Variants in ZNF503 observed in about 807,000 individuals in gnomAD.
ZNF503 encodes the protein NocA-like zinc finger 2.
A neutral mutation model predicts 34.4 loss-of-function variants in ZNF503; 15 were observed. The ratio of observed to expected loss-of-function variants is 0.44; its 90% CI spans 0.29 to 0.67. The LOEUF (loss-of-function observed/expected upper bound fraction) is 0.67. Among genes scored for constraint, ZNF503 ranks in the 30% least tolerant of loss-of-function variants. ZNF503 has a pLI of 0.13. For synonymous variants in ZNF503, 580 were observed against 456.8 expected (o/e 1.27, Z -3.44); for missense variants, 1,007 against 926.8 (o/e 1.09, Z -1.12).
the ZNF503 span, among the ~76,000 whole-genome samples, chr10:75,289,171 C>T: frequency 3.3e-5 from 5 of 152,154 alleles, no homozygotes; most frequent in African/African-American, 1.2e-4. Context: ...GGAGCAAAGA[C>T]TGTTTATGTT....
chr10:75,398,742 G>T lies in ZNF503; in HGVS notation c.*7C>A. On this transcript the variant is annotated 3_prime_UTR_variant, in exon 2 of 2. Coordinates refer to ENST00000372524, the MANE Select transcript of ZNF503 (RefSeq NM_032772.6). ...CTCCTCTCCCTCGCTCGCCCTCCCG[G>T]CCGCCCTCACTGATACCCCAGCGCC... 2 of 1,373,310 alleles carry T rather than the reference G, an allele frequency of 1.5e-6. No individual in the cohort carries two copies. Among genetic ancestry groups the T allele is most frequent in the Non-Finnish European group, 1.9e-6 (2 of 1,067,398 alleles). The allele number at this position is 1,373,310 out of a possible 1,614,324, so 85.1% of individuals were successfully genotyped here.
the ZNF503 span, among the ~76,000 whole-genome samples, chr10:75,368,737 C>G: frequency 1.3e-5 from 2 of 152,220 alleles, no homozygotes; most frequent in Non-Finnish European, 2.9e-5. Context: ...AAAGCCAACT[C>G]TCTGGGAAAT....
chr10:75,333,557 C>T, the ZNF503 span, among the ~76,000 whole-genome samples: 3 of 80,222 alleles, frequency 3.7e-5, no homozygotes, highest in Admixed American at 1.1e-4. Context: ...CCCTCACCTC[C>T]CGGACGGGGC....
the ZNF503 span, among the ~76,000 whole-genome samples, chr10:75,387,167 C>T: frequency 5.3e-5 from 8 of 152,230 alleles, no homozygotes; most frequent in Admixed American, 1.3e-4. Flanking sequence ...AGGGCTTCCC[C>T]GGAGAATCCC....
rs1843765196 is a variant in ZNF503, at chr10:75,400,030, C to T, written c.660G>A (p.Gln220=). 1.9e-6 allele frequency: 3 copies of T among 1,601,622 alleles called. No homozygotes were observed. Among genetic ancestry groups the T allele is most frequent in the Non-Finnish European group, 1.7e-6 (2 of 1,177,474 alleles). Residue 220 remains glutamine, a synonymous_variant, in exon 2 of 2, where the codon CAG becomes CAA. Transcript: ENST00000372524. Reference sequence around the variant, plus strand: ...GGCTGCCTGTCCTGGGCGTGAATGGCTGGCAGGTGGCGCTCGGTACCCGGA... The same window carrying T: ...GGCTGCCTGTCCTGGGCGTGAATGGTTGGCAGGTGGCGCTCGGTACCCGGA... ...SGFRVPSATC[Q]PFTPRTGSPS... is the part of the protein sequence containing the mutation.
At chr10:75,363,893 T>C in the ZNF503 span, among the ~76,000 whole-genome samples, 66,163 of 152,052 alleles carry the variant, frequency 0.44, 15,868 homozygotes, top group African/African-American at 0.65. Context: ...AAGAGTTGTG[T>C]ACCATTTCAG....
the ZNF503 span, among the ~76,000 whole-genome samples, chr10:75,304,036 G>C: frequency 1.9e-3 from 294 of 152,228 alleles, 2 homozygotes; most frequent in Non-Finnish European, 3.6e-3. Flanking sequence ...GTTTCACCAT[G>C]TTGGCCAGGC....
the ZNF503 span, among the ~76,000 whole-genome samples, chr10:75,373,129 G>T: frequency 6.6e-6 from 1 of 152,236 alleles, no homozygotes; most frequent in Non-Finnish European, 1.5e-5. Flanking sequence ...GCCATCTTCC[G>T]CGACTGTCAC....
the ZNF503 span, among the ~76,000 whole-genome samples, chr10:75,306,311 T>C: frequency 6.6e-6 from 1 of 152,212 alleles, no homozygotes; most frequent in Admixed American, 6.5e-5. Flanking sequence ...GAGTGTCATT[T>C]CATATACTTA....
the ZNF503 span, among the ~76,000 whole-genome samples, chr10:75,282,769 G>A: frequency 6.6e-6 from 1 of 152,214 alleles, no homozygotes; most frequent in African/African-American, 2.4e-5. Flanking sequence ...TAAATTAGTC[G>A]TGTTGGGTCT....
the ZNF503 span, among the ~76,000 whole-genome samples, chr10:75,320,726 T>G: frequency 3.3e-5 from 5 of 152,086 alleles, no homozygotes; most frequent in Non-Finnish European, 5.9e-5. Context: ...CAATCACATA[T>G]GTTTTTTTCC....
chr10:75,291,774 T>C, the ZNF503 span, among the ~76,000 whole-genome samples: 25 of 152,204 alleles, frequency 1.6e-4, no homozygotes, highest in African/African-American at 4.8e-4. Context: ...AGGATGAACA[T>C]CCAGAGGTCA....
chr10:75,398,660 G>T lies in ZNF503; in HGVS notation c.*89C>A. The T allele has an allele frequency of 8.2e-7, 1 of 1,213,260 alleles. No individual in the cohort carries two copies. 75.2% of individuals were successfully genotyped at this position (1,213,260 alleles called of 1,614,324 possible). A position where few individuals can be genotyped will look rare whatever the true frequency, so the allele number is the denominator to read the frequency against. On this transcript the variant is annotated 3_prime_UTR_variant, in exon 2 of 2. Coordinates refer to ENST00000372524, the MANE Select transcript of ZNF503 (RefSeq NM_032772.6). Reference sequence around the variant, plus strand: ...GCCCGAGTCCTCCCCACGCGCGGGTGTCAGCAGCCTGGGCCGTGATCCCGC... The same window carrying T: ...GCCCGAGTCCTCCCCACGCGCGGGTTTCAGCAGCCTGGGCCGTGATCCCGC...
chr10:75,348,528 T>TTTC, the ZNF503 span, among the ~76,000 whole-genome samples: 3 of 143,690 alleles, frequency 2.1e-5, no homozygotes, highest in African/African-American at 7.5e-5. Flanking sequence ...TTTTTTTTTT[T>TTTC]TGAGACAGAG....
the ZNF503 span, among the ~76,000 whole-genome samples, chr10:75,346,313 G>A: frequency 2.0e-5 from 3 of 152,240 alleles, no homozygotes; most frequent in South Asian, 2.1e-4. Flanking sequence ...AGATCCCTAT[G>A]CTTGGCTTGA....
the ZNF503 span, among the ~76,000 whole-genome samples, chr10:75,339,964 C>G: frequency 6.6e-6 from 1 of 151,930 alleles, no homozygotes. Flanking sequence ...GCCTGTAATC[C>G]CAGCACTTTG....
the ZNF503 span, among the ~76,000 whole-genome samples, chr10:75,322,891 T>C: frequency 6.6e-6 from 1 of 152,184 alleles, no homozygotes; most frequent in Admixed American, 6.5e-5. Flanking sequence ...GTAATTTGTA[T>C]TTCATTTTGA....
chr10:75,398,921 C>A lies in ZNF503; in HGVS notation c.1769G>T (p.Arg590Leu). Residue 590 changes from arginine to leucine, a missense_variant, in exon 2 of 2, where the codon CGC becomes CTC. Transcript: ENST00000372524. ...APGSPGTLAL[R>L]SPHHALGLSS... ...GAGTCCCAGCGCGTGGTGGGGGCTG[C>A]GCAGCGCCAGCGTCCCAGGGCTGCC... The A allele has an allele frequency of 6.3e-7, 1 of 1,578,540 alleles. No homozygotes were observed.
chr10:75,282,146 C>A, the ZNF503 span, among the ~76,000 whole-genome samples: 1 of 152,154 alleles, frequency 6.6e-6, no homozygotes, highest in Non-Finnish European at 1.5e-5. Context: ...TCTGGCAGTC[C>A]CAGGAGGTGA....
Sources: gnomAD v4.1 joint callset for allele counts (sites outside exome capture counted in the v4.1 genomes callset) on GRCh38, gnomAD v4.1.1 for gene constraint, MANE v1.5 for transcripts, NCBI Gene and HGNC (gene_info 2026-07-23, HGNC 2026-07-21) for gene names.